PPP1R12B: variants seen among roughly 807,000 people sequenced by gnomAD.
The protein encoded by PPP1R12B is myosin phosphatase target subunit 2.
Under a neutral mutation model 126.1 loss-of-function variants are expected in PPP1R12B, and 76 were observed. The ratio of observed to expected loss-of-function variants is 0.60; its 90% CI spans 0.50 to 0.73. PPP1R12B has a LOEUF of 0.73. Among genes scored for constraint, PPP1R12B ranks in the 30% least tolerant of loss-of-function variants. PPP1R12B has a pLI of 0.00. For missense variants in PPP1R12B, 1,052 were observed against 1,205.1 expected, an observed-to-expected ratio of 0.87 and a Z score of 1.88; for synonymous variants, 356 against 434.7, an observed-to-expected ratio of 0.82 and a Z score of 2.25.
At chr1:202,385,804 GT>G (rs1209396077) in intron 1 of PPP1R12B, among the ~76,000 whole-genome samples, 1 of 152,034 alleles carries the variant, frequency 6.6e-6, no homozygotes, top group African/African-American at 2.4e-5. Flanking sequence ...GTGTTTTTGT[GT>G]TTTGTTTTGT....
intron 18 of PPP1R12B, among the ~76,000 whole-genome samples, chr1:202,504,733 A>G (rs1000112881): frequency 2.0e-5 from 3 of 152,218 alleles, no homozygotes; most frequent in Non-Finnish European, 2.9e-5. Flanking sequence ...AATAGTTAAG[A>G]GGACACACCC....
At position 202,585,729 on chromosome 1, in the gene PPP1R12B, T is replaced by C. The variant is rs1221421764; in HGVS notation, c.*5169T>C. 1 of 152,210 alleles carries C rather than the reference T, an allele frequency of 6.6e-6. No individual in the cohort carries two copies. The highest frequency in any genetic ancestry group is 2.4e-5 in the African/African-American group (1 of 41,456). 9.4% of individuals were successfully genotyped at this position (152,210 alleles called of 1,614,324 possible). Reference sequence around the variant, plus strand: ...TGGGAAGTGAATTTAATATTGAGGGTAATTGAATGATGTTGCAATGGCTTT... The same window carrying C: ...TGGGAAGTGAATTTAATATTGAGGGCAATTGAATGATGTTGCAATGGCTTT... On this transcript the variant is annotated 3_prime_UTR_variant, in exon 24 of 24. Transcript: ENST00000608999.
At chr1:202,417,726 C>T (rs1462620376) in intron 2 of PPP1R12B, among the ~76,000 whole-genome samples, 15 of 152,034 alleles carry the variant, frequency 9.9e-5, no homozygotes, top group Non-Finnish European at 1.9e-4. Context: ...TTCTATGCTC[C>T]TTTGAAAATC....
intron 23 of PPP1R12B, chr1:202,576,503 A>G (rs1467504966): frequency 1.3e-5 from 2 of 152,220 alleles, no homozygotes; most frequent in Non-Finnish European, 2.9e-5. Context: ...TGTAGATGCT[A>G]TCATAGGCAG....
intron 1 of PPP1R12B, among the ~76,000 whole-genome samples, chr1:202,399,110 G>C (rs1433930479): frequency 6.6e-6 from 1 of 152,076 alleles, no homozygotes; most frequent in Non-Finnish European, 1.5e-5. Context: ...ACAACCTCTG[G>C]ATGCTTACTG....
At chr1:202,429,048 A>C in intron 6 of PPP1R12B, 119 bp downstream of exon 6, 1 of 766,172 alleles carries the variant, frequency 1.3e-6, no homozygotes, top group Non-Finnish European at 2.0e-6. Flanking sequence ...TCTGCATTCC[A>C]GAGATGTTAA....
Position 202,575,292 on chromosome 1 carries a change from A to G in PPP1R12B, c.2863-5182A>G. The G allele has an allele frequency of 4.4e-6, 5 of 1,141,492 alleles. No individual in the cohort carries two copies. In the African/African-American group the frequency reaches 6.2e-5, roughly 14 times the overall value. 70.7% of individuals were successfully genotyped at this position (1,141,492 alleles called of 1,614,324 possible). Reference sequence around the variant, plus strand: ...TGGTTATCTGCAGATGGAAGCAGCCAGGACTGAGATCATAGAATGGGACAT... The same window carrying G: ...TGGTTATCTGCAGATGGAAGCAGCCGGGACTGAGATCATAGAATGGGACAT... On this transcript the variant is annotated intron_variant, in intron 23 of 23. Transcript: ENST00000608999.
At chr1:202,496,919 T>C in intron 18 of PPP1R12B, 97 bp downstream of exon 18, 2 of 1,269,586 alleles carry the variant, frequency 1.6e-6, no homozygotes, top group Non-Finnish European at 2.2e-6. Flanking sequence ...ATGCAGATTT[T>C]AGTTGAGAAG....
intron 1 of PPP1R12B, among the ~76,000 whole-genome samples, chr1:202,382,222 A>G (rs1176223290): frequency 7.1e-6 from 1 of 140,854 alleles, no homozygotes; most frequent in Middle Eastern, 3.6e-3. Flanking sequence ...GAATTGAACA[A>G]TGAGAACACT....
At chr1:202,519,707 G>A (rs1366663080) in intron 18 of PPP1R12B, among the ~76,000 whole-genome samples, 2 of 152,182 alleles carry the variant, frequency 1.3e-5, no homozygotes, top group African/African-American at 2.4e-5. Context: ...AGTGTGCAGA[G>A]TCAAATCTCT....
intron 1 of PPP1R12B, among the ~76,000 whole-genome samples, chr1:202,407,221 A>C (rs1666733756): frequency 6.6e-6 from 1 of 152,140 alleles, no homozygotes; most frequent in South Asian, 2.1e-4. Context: ...AGATTGAGGG[A>C]AACATTATTT....
At chr1:202,405,575 A>G (rs12072958) in intron 1 of PPP1R12B, among the ~76,000 whole-genome samples, 6,474 of 152,250 alleles carry the variant, frequency 0.043, 373 homozygotes, top group African/African-American at 0.13. Context: ...GTTTTTATGT[A>G]CATTAGCTCA....
rs182643931 is a variant in PPP1R12B at position 202,565,503 on chromosome 1, C to G, written c.2757+956C>G. ...TTGGAGGGCAGGGGTGTTGATTACC[C>G]TCTAAACATCCTATTCTAACCCCTC... On this transcript the variant is annotated intron_variant, in intron 21 of 23. Transcript: ENST00000608999. This position sits in a 1 kb window ranked among gnomAD's most constrained non-coding sequence, Gnocchi z 4.3. 2.8e-4 allele frequency among the ~76,000 whole-genome samples: 42 copies of G among 152,216 alleles called. No individual in the cohort carries two copies. The highest frequency in any genetic ancestry group is 3.4e-3 in the Middle Eastern group (1 of 294).
chr1:202,510,870 ATATAT>A (rs1465142126), intron 18 of PPP1R12B, among the ~76,000 whole-genome samples: 1 of 146,894 alleles, frequency 6.8e-6, no homozygotes, highest in Non-Finnish European at 1.5e-5. Flanking sequence ...GCAAGTATAT[ATATAT>A]TATATATTAT....
chr1:202,461,161 G>T (rs1558256721), intron 13 of PPP1R12B, among the ~76,000 whole-genome samples: 1 of 150,110 alleles, frequency 6.7e-6, no homozygotes, highest in Non-Finnish European at 1.5e-5. Context: ...CTCAAGACCA[G>T]CCTGGGCAAT....
chr1:202,540,739 C>G (rs1685037460), intron 18 of PPP1R12B, among the ~76,000 whole-genome samples: 1 of 152,192 alleles, frequency 6.6e-6, no homozygotes, highest in South Asian at 2.1e-4. Flanking sequence ...ATGCTTTTGC[C>G]TATTTTGTAT....
intron 13 of PPP1R12B, chr1:202,463,217 A>G: frequency 3.3e-6 from 1 of 301,504 alleles, no homozygotes; most frequent in Non-Finnish European, 4.9e-6. Flanking sequence ...GCAAGTGGTA[A>G]GAATAAGATA....
intron 23 of PPP1R12B, among the ~76,000 whole-genome samples, chr1:202,580,230 A>T (rs1348274832): frequency 6.6e-6 from 1 of 152,226 alleles, no homozygotes; most frequent in Non-Finnish European, 1.5e-5. Flanking sequence ...AAGAAATAAG[A>T]TATTACTGCT....
intron 18 of PPP1R12B, among the ~76,000 whole-genome samples, chr1:202,505,453 C>A (rs1313776034): frequency 6.6e-6 from 1 of 152,162 alleles, no homozygotes; most frequent in South Asian, 2.1e-4. Context: ...TCCTTTCTCT[C>A]GAGCAGAATT....
Sources: allele counts gnomAD v4.1 joint callset (sites outside exome capture counted in the v4.1 genomes callset), GRCh38; gene constraint gnomAD v4.1.1; non-coding constraint Gnocchi (gnomAD v3.1); transcripts MANE v1.5; gene names NCBI Gene and HGNC (gene_info 2026-07-23, HGNC 2026-07-21).